RAB38: variants seen among roughly 807,000 people sequenced by gnomAD.
The protein encoded by RAB38 is ras-related protein Rab-38.
RAB38 carries 15 observed loss-of-function variants against 18.4 expected under a neutral mutation model. That is an observed-to-expected ratio of 0.82 (90% confidence interval 0.55 to 1.26). The LOEUF (loss-of-function observed/expected upper bound fraction) is 1.26. Among genes scored for constraint, RAB38 ranks in the 50% most tolerant of loss-of-function variants. The pLI is 0.00. For synonymous variants in RAB38, 101 were observed against 104.4 expected (o/e 0.97, Z 0.20); for missense variants, 294 against 267.4 (o/e 1.10, Z -0.69).
intron 2 of RAB38, among the ~76,000 whole-genome samples, chr11:88,129,516 G>A (rs900456783): frequency 2.0e-5 from 3 of 151,938 alleles, no homozygotes; most frequent in South Asian, 2.1e-4. Context: ...TGGCATGTGC[G>A]TGTAAACTCA....
At chr11:87,811,696 T>A in the RAB38 span, among the ~76,000 whole-genome samples, 1 of 152,180 alleles carries the variant, frequency 6.6e-6, no homozygotes, top group Non-Finnish European at 1.5e-5. Context: ...AACCTTTTAT[T>A]GTGTTGCTTT....
chr11:87,941,214 G>GATATATATATATATAT, the RAB38 span, among the ~76,000 whole-genome samples: 1,554 of 62,260 alleles, frequency 0.025, 100 homozygotes, highest in African/African-American at 0.034. Context: ...AAATATATGA[G>GATATATATATATATAT]ATATATATAT....
chr11:87,874,313 G>T, the RAB38 span, among the ~76,000 whole-genome samples: 2 of 151,386 alleles, frequency 1.3e-5, no homozygotes, highest in African/African-American at 4.8e-5. Flanking sequence ...GAAAATCACA[G>T]AATGGGAGAA....
intron 2 of RAB38, among the ~76,000 whole-genome samples, chr11:88,116,187 C>T (rs375733419): frequency 5.4e-4 from 82 of 152,316 alleles, no homozygotes; most frequent in African/African-American, 2.0e-3. Flanking sequence ...CAGCTCAACA[C>T]TTTGTTCCGG....
the RAB38 span, among the ~76,000 whole-genome samples, chr11:87,808,830 C>T: frequency 0.96 from 146,505 of 152,216 alleles, 70,529 homozygotes; most frequent in East Asian, 1. Context: ...TACAAAAATA[C>T]ATATATCAGG....
chr11:87,960,626 G>A, the RAB38 span, among the ~76,000 whole-genome samples: 6 of 152,136 alleles, frequency 3.9e-5, no homozygotes, highest in Non-Finnish European at 4.4e-5. Context: ...TATATCAGAC[G>A]CCATCCTTGT....
chr11:88,099,429 T>A, the RAB38 span, among the ~76,000 whole-genome samples: 1 of 151,838 alleles, frequency 6.6e-6, no homozygotes, highest in Non-Finnish European at 1.5e-5. Flanking sequence ...GATGTGACAC[T>A]CCGAAAATCA....
the RAB38 span, among the ~76,000 whole-genome samples, chr11:87,956,814 A>C: frequency 6.6e-6 from 1 of 152,018 alleles, no homozygotes; most frequent in African/African-American, 2.4e-5. Flanking sequence ...GGAGAGAAGG[A>C]ATGATACACA....
chr11:87,937,350 A>G, the RAB38 span, among the ~76,000 whole-genome samples: 1 of 111,412 alleles, frequency 9.0e-6, no homozygotes, highest in Non-Finnish European at 2.0e-5. Context: ...ATATATATAT[A>G]TCATAATTCT....
chr11:88,084,181 C>T, the RAB38 span, among the ~76,000 whole-genome samples: 3 of 151,496 alleles, frequency 2.0e-5, no homozygotes, highest in Non-Finnish European at 4.4e-5. Flanking sequence ...AGTCCTGAAG[C>T]CTAGACATTG....
the RAB38 span, among the ~76,000 whole-genome samples, chr11:87,827,462 A>G: frequency 6.4e-4 from 98 of 152,122 alleles, 4 homozygotes; most frequent in East Asian, 0.018. Context: ...TTAAAATGTT[A>G]TTTCCCCCTA....
chr11:87,876,060 G>A, the RAB38 span, among the ~76,000 whole-genome samples: 3 of 151,472 alleles, frequency 2.0e-5, no homozygotes, highest in African/African-American at 7.3e-5. Flanking sequence ...ATTGAACTTA[G>A]GAAGTTTGTC....
chr11:88,074,273 A>G, the RAB38 span, among the ~76,000 whole-genome samples: 18 of 152,296 alleles, frequency 1.2e-4, no homozygotes, highest in African/African-American at 4.3e-4. Context: ...GATGTGAAAT[A>G]CACCCATAAC....
the RAB38 span, among the ~76,000 whole-genome samples, chr11:87,956,221 A>T: frequency 2.0e-5 from 3 of 152,212 alleles, no homozygotes; most frequent in African/African-American, 7.2e-5. Context: ...AAGGACTATT[A>T]TGAAGAATAA....
At chr11:88,102,227 T>C in the RAB38 span, among the ~76,000 whole-genome samples, 1 of 152,034 alleles carries the variant, frequency 6.6e-6, no homozygotes, top group Non-Finnish European at 1.5e-5. Context: ...ACACCTCCAA[T>C]ACCATAGCTT....
At chr11:88,118,783 G>A (rs1029790183) in intron 2 of RAB38, among the ~76,000 whole-genome samples, 2 of 152,126 alleles carry the variant, frequency 1.3e-5, no homozygotes, top group Non-Finnish European at 2.9e-5. Flanking sequence ...GTACTGATCA[G>A]CAAGTCTCAG....
the RAB38 span, among the ~76,000 whole-genome samples, chr11:87,871,839 A>C: frequency 6.6e-6 from 1 of 151,538 alleles, no homozygotes; most frequent in Admixed American, 6.6e-5. Flanking sequence ...TCTGCGTAGC[A>C]ATGGTTTACC....
intron 1 of RAB38, among the ~76,000 whole-genome samples, chr11:88,165,041 T>C (rs7104374): frequency 0.25 from 38,042 of 152,028 alleles, 4,804 homozygotes; most frequent in Admixed American, 0.27. Context: ...GTGTCAGCAA[T>C]GATGCATGCA....
At chr11:88,097,870 A>G in the RAB38 span, 3 of 151,932 alleles carry the variant, frequency 2.0e-5, no homozygotes, top group Non-Finnish European at 4.4e-5. Context: ...TCTTATCAGT[A>G]AAATGGATGG....
Sources: gnomAD v4.1 joint callset for allele counts (sites outside exome capture counted in the v4.1 genomes callset) on GRCh38, gnomAD v4.1.1 for gene constraint, MANE v1.5 for transcripts, NCBI Gene and HGNC (gene_info 2026-07-23, HGNC 2026-07-21) for gene names.